Variants in IDE observed in about 807,000 individuals in gnomAD.
IDE encodes the protein insulin-degrading enzyme.
A neutral mutation model predicts 133.2 loss-of-function variants in IDE; 58 were observed. That is an observed-to-expected ratio of 0.44 (90% CI 0.35 to 0.54). The LOEUF (loss-of-function observed/expected upper bound fraction) is 0.54, where lower values mean the gene tolerates loss of function less well. IDE is among the 20% of genes least tolerant of loss of function. The pLI is 0.00. For missense variants in IDE, 981 were observed against 1,234.0 expected, an observed-to-expected ratio of 0.79 and a Z score of 3.07; for synonymous variants, 396 against 421.3, an observed-to-expected ratio of 0.94 and a Z score of 0.73.
intron 4 of IDE, among the ~76,000 whole-genome samples, chr10:92,524,412 T>TATAATATATTTTATATAATA: frequency 2.7e-5 from 1 of 36,796 alleles, no homozygotes; most frequent in South Asian, 5.3e-4. Flanking sequence ...ATAATATATA[T>TATAATATATTTTATATAATA]TATATTATAT....
At chr10:92,556,531 G>A (rs1375758396) in intron 1 of IDE, among the ~76,000 whole-genome samples, 1 of 152,126 alleles carries the variant, frequency 6.6e-6, no homozygotes, top group Non-Finnish European at 1.5e-5. Flanking sequence ...GGCCAAGGCA[G>A]GTGATCACCT....
Position 92,510,162 on chromosome 10 carries a change from T to G in IDE, c.785A>C (p.Glu262Ala). ...NLMAVCVLGR[E>A]SLDDLTNLVV... Reference sequence around the variant, plus strand: ...CAGATTAGTCAAGTCATCTAAAGATTCTACAAGAAAACAGACAAGGAAAAC... The same window carrying G: ...CAGATTAGTCAAGTCATCTAAAGATGCTACAAGAAAACAGACAAGGAAAAC... The change falls in exon 6 of 25, where the codon GAA becomes GCA. Residue 262 changes from glutamate (E) to alanine (A), a missense_variant and splice_region_variant. Physicochemically the swap from Glu to Ala is moderately radical, Grantham distance 107. Coordinates refer to ENST00000265986, the MANE Select transcript of IDE (RefSeq NM_004969.4). The G allele has an allele frequency of 6.8e-7, 1 of 1,464,974 alleles. No homozygotes were observed. Among genetic ancestry groups the G allele is most frequent in the African/African-American group, 1.4e-5 (1 of 71,656 alleles). 90.7% of individuals were successfully genotyped at this position (1,464,974 alleles called of 1,614,324 possible). A position where few individuals can be genotyped will look rare whatever the true frequency, so the allele number is the denominator to read the frequency against.
chr10:92,510,161 T>G lies in IDE; in HGVS notation c.786A>C (p.Glu262Asp), dbSNP rs1211121852. ...CCAGATTAGTCAAGTCATCTAAAGA[T>G]TCTACAAGAAAACAGACAAGGAAAA... Reference protein sequence around the residue: ...NLMAVCVLGRESLDDLTNLVV... With the variant: ...NLMAVCVLGRDSLDDLTNLVV... The change falls in exon 6 of 25, where the codon GAA becomes GAC. Residue 262 changes from glutamate to aspartate, a missense_variant and splice_region_variant. Glu to Asp is a conservative substitution (Grantham distance 45). Coordinates refer to ENST00000265986, the MANE Select transcript of IDE (RefSeq NM_004969.4). 4 of 1,472,750 alleles carry G rather than the reference T, an allele frequency of 2.7e-6. No individual in the cohort carries two copies. Among genetic ancestry groups the G allele is most frequent in the African/African-American group, 2.8e-5 (2 of 71,830 alleles). 91.2% of individuals were successfully genotyped at this position (1,472,750 alleles called of 1,614,324 possible). A position where few individuals can be genotyped will look rare whatever the true frequency, so the allele number is the denominator to read the frequency against.
Position 92,534,598 on chromosome 10 carries a change from G to A in IDE, c.471C>T (p.His157=). The change falls in exon 3 of 25, where the codon CAC becomes CAT. Residue 157 remains histidine, a synonymous_variant. Transcript: ENST00000265986. The part of the protein sequence containing the change: ...TNYYFDVSHE[H]LEGALDRFAQ... ...ATTACCTGTCTAGGGCACCTTCTAGGTGTTCATGAGAAACATCAAAATAGT... is the reference window on the plus strand; with the variant it reads ...ATTACCTGTCTAGGGCACCTTCTAGATGTTCATGAGAAACATCAAAATAGT... The A allele has an allele frequency of 6.2e-7, 1 of 1,612,630 alleles. No homozygotes were observed. Among genetic ancestry groups the A allele is most frequent in the Non-Finnish European group, 8.5e-7 (1 of 1,178,852 alleles).
chr10:92,503,128 A>G (rs143972141), intron 11 of IDE, among the ~76,000 whole-genome samples: 153 of 152,296 alleles, frequency 1.0e-3, no homozygotes, highest in African/African-American at 3.5e-3. Context: ...CTCAGTAAGA[A>G]AAAAGAAAAG....
At chr10:92,462,834 T>C (rs922748583) in intron 21 of IDE, among the ~76,000 whole-genome samples, 5 of 152,184 alleles carry the variant, frequency 3.3e-5, no homozygotes, top group African/African-American at 4.8e-5. Flanking sequence ...ATAACACTGC[T>C]AGGTACACGG....
intron 11 of IDE, among the ~76,000 whole-genome samples, chr10:92,502,381 C>T (rs1848070217): frequency 6.6e-6 from 1 of 152,106 alleles, no homozygotes; most frequent in Non-Finnish European, 1.5e-5. Context: ...TTTGGTTAAA[C>T]TCATTCCTAG....
intron 13 of IDE, 54 bp from the exon 14 acceptor site, chr10:92,483,391 G>T: frequency 1.1e-6 from 1 of 947,704 alleles, no homozygotes; most frequent in Non-Finnish European, 1.7e-6. Flanking sequence ...CAGCAAAAAT[G>T]TTCAATCAAA....
chr10:92,509,463 T>C (rs1437107851), intron 6 of IDE, among the ~76,000 whole-genome samples: 1 of 152,002 alleles, frequency 6.6e-6, no homozygotes, highest in Non-Finnish European at 1.5e-5. Flanking sequence ...CACAGTGGCA[T>C]GCACCTATAG....
At chr10:92,559,757 T>TTTA (rs1843190601) in intron 1 of IDE, among the ~76,000 whole-genome samples, 1 of 125,494 alleles carries the variant, frequency 8.0e-6, no homozygotes, top group African/African-American at 3.0e-5. Context: ...TTTTTTTTTT[T>TTTA]GAGACAGGGT....
intron 4 of IDE, among the ~76,000 whole-genome samples, chr10:92,520,970 G>A (rs1000817388): frequency 2.0e-5 from 3 of 152,114 alleles, no homozygotes; most frequent in African/African-American, 7.2e-5. Context: ...GAGTCTATGT[G>A]ATACTCAAAA....
intron 4 of IDE, among the ~76,000 whole-genome samples, chr10:92,515,630 C>G (rs1182427250): frequency 7.0e-6 from 1 of 142,258 alleles, no homozygotes; most frequent in Non-Finnish European, 1.5e-5. Context: ...GGCGTGATCT[C>G]GGCTCACCCC....
At position 92,453,326 on chromosome 10, in the gene IDE, T is replaced by G. The variant is rs1392634838; in HGVS notation, c.*1118A>C. On this transcript the variant is annotated 3_prime_UTR_variant, in exon 25 of 25. Coordinates refer to ENST00000265986, the MANE Select transcript of IDE (RefSeq NM_004969.4). ...AAAAGTCTACTCCAGTCATCATCTG[T>G]GTTTATATGTTTATATTTATATATT... 1.3e-5 allele frequency: 2 copies of G among 150,812 alleles called. No individual in the cohort carries two copies. The highest frequency in any genetic ancestry group is 3.0e-5 in the Non-Finnish European group (2 of 67,246). The allele number at this position is 150,812 out of a possible 1,614,324, so 9.3% of individuals were successfully genotyped here.
chr10:92,529,719 A>C (rs1046671031), intron 4 of IDE, among the ~76,000 whole-genome samples: 1 of 152,110 alleles, frequency 6.6e-6, no homozygotes, highest in African/African-American at 2.4e-5. Flanking sequence ...TACAGGAAAA[A>C]AAAATGTTCC....
At chr10:92,483,816 A>G (rs1846768512) in intron 13 of IDE, among the ~76,000 whole-genome samples, 1 of 152,098 alleles carries the variant, frequency 6.6e-6, no homozygotes, top group South Asian at 2.1e-4. Context: ...TTAATGGTAT[A>G]CCTCTGAGAC....
chr10:92,460,223 A>T (rs1201536136), intron 22 of IDE, among the ~76,000 whole-genome samples: 1 of 152,196 alleles, frequency 6.6e-6, no homozygotes, highest in African/African-American at 2.4e-5. Context: ...GAGCGCAAGC[A>T]TGTAAAACTT....
At chr10:92,531,126 T>G (rs553654328) in intron 4 of IDE, among the ~76,000 whole-genome samples, 2 of 152,204 alleles carry the variant, frequency 1.3e-5, no homozygotes, top group Non-Finnish European at 2.9e-5. Flanking sequence ...CTGCTTTTAT[T>G]TTTACTCTAA....
chr10:92,567,305 T>C (rs531416534), intron 1 of IDE, among the ~76,000 whole-genome samples: 1 of 152,304 alleles, frequency 6.6e-6, no homozygotes, highest in East Asian at 1.9e-4. Context: ...CCTACCCTGG[T>C]GGCCCCTCCT....
intron 22 of IDE, among the ~76,000 whole-genome samples, chr10:92,458,364 C>G (rs1845141991): frequency 6.6e-6 from 1 of 152,136 alleles, no homozygotes; most frequent in African/African-American, 2.4e-5. Context: ...AATAGTCTTT[C>G]CCAAACTTGT....
Sources: allele counts gnomAD v4.1 joint callset (sites outside exome capture counted in the v4.1 genomes callset), GRCh38; gene constraint gnomAD v4.1.1; transcripts MANE v1.5; gene names NCBI Gene and HGNC (gene_info 2026-07-23, HGNC 2026-07-21).